Variants in CCDC91 observed in about 807,000 individuals in gnomAD.
CCDC91 encodes the protein coiled-coil domain-containing protein 91.
In CCDC91, 48 loss-of-function variants were observed where a neutral mutation model predicts 63.2. The ratio of observed to expected loss-of-function variants is 0.76; its 90% CI spans 0.60 to 0.97. The LOEUF is 0.97. Ranked by LOEUF, CCDC91 falls within the 50% of genes least tolerant of loss-of-function variation. CCDC91 has a pLI of 0.00. For missense variants in CCDC91, 500 were observed against 494.6 expected (o/e 1.01, Z -0.10); for synonymous variants, 167 against 165.8 (o/e 1.01, Z -0.06).
intron 12 of CCDC91, among the ~76,000 whole-genome samples, chr12:28,545,461 C>T (rs1419773400): frequency 6.6e-6 from 1 of 152,080 alleles, no homozygotes; most frequent in Non-Finnish European, 1.5e-5. Context: ...CAGCCATGAT[C>T]TATGTACTAT....
At chr12:28,417,037 C>T (rs1433980416) in intron 8 of CCDC91, among the ~76,000 whole-genome samples, 1 of 152,100 alleles carries the variant, frequency 6.6e-6, no homozygotes, top group Non-Finnish European at 1.5e-5. Context: ...CACTCCTCCT[C>T]TTTCTAGCAT....
At position 28,535,766 on chromosome 12, in the gene CCDC91, T is replaced by C. The variant is rs146770097; in HGVS notation, c.1216-13297T>C. 1.7e-3 allele frequency among the ~76,000 whole-genome samples: 261 copies of C among 152,220 alleles called. 4 individuals are homozygous for C. In the East Asian group the frequency reaches 0.02, roughly 12 times the overall value. On this transcript the variant is annotated intron_variant, in intron 12 of 12. Coordinates refer to ENST00000536442, the MANE Select transcript of CCDC91 (RefSeq NM_018318.5). ...GGGAAACGGGCCTGGTGCGGTATCA[T>C]GCCTGTAATCCCAGCACTTTGGGAG...
chr12:28,391,470 G>T (rs1161775872), intron 8 of CCDC91, 59 bp downstream of exon 8: 1 of 1,023,338 alleles, frequency 9.8e-7, no homozygotes, highest in African/African-American at 1.6e-5. Context: ...TCTCCCCTGA[G>T]AGCTCTATAA....
chr12:28,489,905 T>G (rs1227420822), intron 12 of CCDC91, among the ~76,000 whole-genome samples: 1 of 151,902 alleles, frequency 6.6e-6, no homozygotes, highest in African/African-American at 2.4e-5. Flanking sequence ...TATAAGTTAT[T>G]TAATATTTCA....
At chr12:28,341,922 C>T (rs1942453952) in intron 6 of CCDC91, among the ~76,000 whole-genome samples, 1 of 151,180 alleles carries the variant, frequency 6.6e-6, no homozygotes, top group Non-Finnish European at 1.5e-5. Flanking sequence ...CAAAATATTG[C>T]CCTCTTAAGA....
chr12:28,296,988 G>A (rs1555177323), intron 3 of CCDC91, among the ~76,000 whole-genome samples: 1 of 151,790 alleles, frequency 6.6e-6, no homozygotes, highest in Non-Finnish European at 1.5e-5. Flanking sequence ...AAAGCAGATA[G>A]TCACCAGCCT....
chr12:28,291,096 A>T (rs1949221005), intron 3 of CCDC91, among the ~76,000 whole-genome samples: 1 of 152,182 alleles, frequency 6.6e-6, no homozygotes, highest in South Asian at 2.1e-4. Flanking sequence ...ATCTTTATTA[A>T]GCAAATTAGG....
Position 28,530,351 on chromosome 12 carries a change from T to A in CCDC91, c.1216-18712T>A, listed in dbSNP as rs976829693. On this transcript the variant is annotated intron_variant, in intron 12 of 12. Coordinates refer to ENST00000536442, the MANE Select transcript of CCDC91 (RefSeq NM_018318.5). Reference sequence around the variant, plus strand: ...GCAGAGGAGCTGAGGCCTCCAACCTTCATCCAGCATCAACTACCAGATGAG... The same window carrying A: ...GCAGAGGAGCTGAGGCCTCCAACCTACATCCAGCATCAACTACCAGATGAG... 3.3e-5 allele frequency among the ~76,000 whole-genome samples: 5 copies of A among 152,308 alleles called. No individual in the cohort carries two copies. In the South Asian group the frequency reaches 8.3e-4, roughly 25 times the overall value.
chr12:28,383,187 A>G (rs1945396758), intron 7 of CCDC91, among the ~76,000 whole-genome samples: 1 of 152,066 alleles, frequency 6.6e-6, no homozygotes, highest in Non-Finnish European at 1.5e-5. Flanking sequence ...TTTGGCTTTC[A>G]CAGCTTCCAA....
chr12:28,472,877 T>G (rs145144426), intron 11 of CCDC91, among the ~76,000 whole-genome samples: 5 of 152,334 alleles, frequency 3.3e-5, no homozygotes, highest in African/African-American at 9.6e-5. Context: ...TCCTTTGCAC[T>G]TGCATCCATG....
chr12:28,458,151 A>G (rs1368576006), intron 11 of CCDC91, among the ~76,000 whole-genome samples: 1 of 152,146 alleles, frequency 6.6e-6, no homozygotes, highest in Non-Finnish European at 1.5e-5. Context: ...TATTTTCACA[A>G]CCCTGAAATT....
intron 3 of CCDC91, among the ~76,000 whole-genome samples, chr12:28,304,382 AAAAAAAAAAAAAAAAAAAAG>A (rs1938441131): frequency 6.4e-5 from 2 of 31,394 alleles, no homozygotes; most frequent in Non-Finnish European, 1.8e-4. Context: ...GTCTAAAAAA[AAAAAAAAAAAAAAAAAAAAG>A]AAAAAAAAAA....
chr12:28,318,493 A>G (rs1385322354), intron 6 of CCDC91, among the ~76,000 whole-genome samples: 1 of 151,934 alleles, frequency 6.6e-6, no homozygotes, highest in East Asian at 1.9e-4. Context: ...ATGAGCTATG[A>G]TTGCACCACT....
intron 6 of CCDC91, among the ~76,000 whole-genome samples, chr12:28,360,369 T>A (rs1943798093): frequency 1.3e-5 from 2 of 152,156 alleles, no homozygotes. Context: ...GCAGCTTAAT[T>A]TTCTCTCAGA....
intron 7 of CCDC91, among the ~76,000 whole-genome samples, chr12:28,366,349 C>T (rs78184396): frequency 0.055 from 8,358 of 152,128 alleles, 312 homozygotes; most frequent in Non-Finnish European, 0.079. Flanking sequence ...TAGCAATGGG[C>T]GTATAGAAAC....
intron 1 of CCDC91, among the ~76,000 whole-genome samples, chr12:28,224,688 G>T (rs1481698307): frequency 2.0e-5 from 3 of 152,152 alleles, no homozygotes; most frequent in African/African-American, 4.8e-5. Context: ...GGTTTAAAGA[G>T]AAATTGAATT....
chr12:28,382,341 A>G (rs2139101070), intron 7 of CCDC91, among the ~76,000 whole-genome samples: 1 of 152,008 alleles, frequency 6.6e-6, no homozygotes, highest in Admixed American at 6.6e-5. Flanking sequence ...AAACCTAGTA[A>G]TTAAAACAAT....
chr12:28,279,244 CTG>C (rs1344745353), intron 3 of CCDC91, among the ~76,000 whole-genome samples: 1 of 56,318 alleles, frequency 1.8e-5, no homozygotes, highest in East Asian at 5.1e-4. Flanking sequence ...AAGTTTGTCT[CTG>C]TATCTTTTCT....
chr12:28,228,224 A>G (rs1054777510), intron 1 of CCDC91, among the ~76,000 whole-genome samples: 3 of 152,092 alleles, frequency 2.0e-5, no homozygotes, highest in African/African-American at 7.2e-5. Flanking sequence ...TGTCTTTGCC[A>G]GGAATGTGCT....
Sources: gnomAD v4.1 joint callset for allele counts (sites outside exome capture counted in the v4.1 genomes callset) on GRCh38, gnomAD v4.1.1 for gene constraint, MANE v1.5 for transcripts, NCBI Gene and HGNC (gene_info 2026-07-23, HGNC 2026-07-21) for gene names.